The following SEC14L1 variants were observed in gnomAD, a reference collection of about 807,000 sequenced individuals.
SEC14L1 encodes the protein SEC14-like protein 1.
SEC14L1 carries 48 observed loss-of-function variants against 85.3 expected under a neutral mutation model. The observed-to-expected ratio is 0.56, with a 90% CI of 0.45 to 0.72. The LOEUF is 0.72. Among genes scored for constraint, SEC14L1 ranks in the 30% least tolerant of loss-of-function variants. SEC14L1 has a pLI of 0.00. For missense variants in SEC14L1, 682 were observed against 921.4 expected, an observed-to-expected ratio of 0.74 and a Z score of 3.36; for synonymous variants, 391 against 355.5, an observed-to-expected ratio of 1.10 and a Z score of -1.12.
chr17:77,089,237 G>A lies in SEC14L1; in HGVS notation c.-274G>A, dbSNP rs546422754. ...TATTTTCTTCCTGCCCCTCGTTGAT[G>A]AGAGCATTCGAAGTGACCTCAGCAG... is the stretch of plus-strand genomic sequence containing the variant. On this transcript the variant is annotated 5_prime_UTR_variant, in exon 2 of 20. Coordinates refer to the SEC14L1 transcript ENST00000392476. 566 of 349,894 alleles carry A rather than the reference G, an allele frequency of 1.6e-3. 1 individual carries two copies. The highest frequency in any genetic ancestry group is 7.1e-3 in the Middle Eastern group (18 of 2,532). 21.7% of individuals were successfully genotyped at this position (349,894 alleles called of 1,614,324 possible).
At chr17:77,104,416 C>T (rs1179341386) in intron 3 of SEC14L1, among the ~76,000 whole-genome samples, 33 of 124,262 alleles carry the variant, frequency 2.7e-4, no homozygotes, top group African/African-American at 3.9e-4. Context: ...CCACTGCGCC[C>T]GGCCTTGTGT....
upstream of SEC14L1, among the ~76,000 whole-genome samples, chr17:77,137,165 T>G (rs1300120677): frequency 6.6e-6 from 1 of 152,214 alleles, no homozygotes; most frequent in Non-Finnish European, 1.5e-5. Flanking sequence ...TGCCTTGGCC[T>G]CCCAAAGTGC....
At chr17:77,105,738 G>A (rs1019576428) in intron 3 of SEC14L1, among the ~76,000 whole-genome samples, 4 of 152,144 alleles carry the variant, frequency 2.6e-5, no homozygotes, top group African/African-American at 9.7e-5. Context: ...AGGATCTGGG[G>A]CTTGTATACC....
chr17:77,185,374 G>A (rs942024452), intron 3 of SEC14L1: 6 of 985,326 alleles, frequency 6.1e-6, no homozygotes, highest in Non-Finnish European at 7.2e-6. Flanking sequence ...ATCTGGTTGG[G>A]CATGCCAAGG....
At chr17:77,178,584 A>G (rs997844615) in intron 3 of SEC14L1, among the ~76,000 whole-genome samples, 1 of 152,152 alleles carries the variant, frequency 6.6e-6, no homozygotes, top group Non-Finnish European at 1.5e-5. Context: ...CAGTTGTTCC[A>G]CGGATTGTGG....
Position 77,203,561 on chromosome 17 carries a change from C to T in SEC14L1, c.1010-9C>T, listed in dbSNP as rs748896993. The stretch of plus-strand genomic sequence containing the variant: ...GTGCTGACAACTCATTCCTTCCCCT[C>T]CTCTGCAGATGGGCGGCCCCTCTAC... On this transcript the variant is annotated splice_polypyrimidine_tract_variant and intron_variant, in intron 9 of 16. Coordinates refer to ENST00000436233, the MANE Select transcript of SEC14L1 (RefSeq NM_001143998.2). The T allele has an allele frequency of 2.4e-5, 39 of 1,612,660 alleles. No individual in the cohort carries two copies. The highest frequency in any genetic ancestry group is 3.1e-5 in the Non-Finnish European group (36 of 1,179,128).
At chr17:77,197,151 G>C (rs1213962353) in intron 8 of SEC14L1, among the ~76,000 whole-genome samples, 1 of 152,230 alleles carries the variant, frequency 6.6e-6, no homozygotes, top group East Asian at 1.9e-4. Context: ...TCTGAGTGAA[G>C]ATGATGCCAC....
At chr17:77,109,653 T>A (rs1220059963) in intron 3 of SEC14L1, among the ~76,000 whole-genome samples, 2 of 152,228 alleles carry the variant, frequency 1.3e-5, no homozygotes, top group African/African-American at 4.8e-5. Context: ...TTTAACACTC[T>A]GAAAGAGAAC....
chr17:77,203,308 C>T (rs1165167911), intron 9 of SEC14L1, among the ~76,000 whole-genome samples: 1 of 152,162 alleles, frequency 6.6e-6, no homozygotes, highest in Non-Finnish European at 1.5e-5. Context: ...TTCCCCTCAT[C>T]CCGGCACAGC....
chr17:77,114,836 CAAAAA>C (rs35413326), intron 3 of SEC14L1, among the ~76,000 whole-genome samples: 3 of 66,834 alleles, frequency 4.5e-5, no homozygotes, highest in African/African-American at 6.4e-5. Flanking sequence ...ACTTCATCTC[CAAAAA>C]AAAAAAAAAA....
chr17:77,155,992 C>A (rs930804013), intron 3 of SEC14L1, among the ~76,000 whole-genome samples: 6 of 152,316 alleles, frequency 3.9e-5, no homozygotes, highest in African/African-American at 1.2e-4. Context: ...GGCCTCCACA[C>A]CCACTGCACA....
intron 3 of SEC14L1, among the ~76,000 whole-genome samples, chr17:77,105,923 G>T (rs2095193980): frequency 6.6e-6 from 1 of 152,014 alleles, no homozygotes; most frequent in African/African-American, 2.4e-5. Context: ...CCCAGGGAGG[G>T]GATTTGTGAC....
intron 3 of SEC14L1, among the ~76,000 whole-genome samples, chr17:77,103,409 A>G (rs1178689993): frequency 6.6e-6 from 1 of 150,562 alleles, no homozygotes; most frequent in South Asian, 2.1e-4. Flanking sequence ...TACCATGCCC[A>G]GCCAGATTTT....
intron 3 of SEC14L1, among the ~76,000 whole-genome samples, chr17:77,097,340 C>T (rs927138320): frequency 2.5e-4 from 38 of 151,786 alleles, no homozygotes; most frequent in Admixed American, 2.1e-3. Context: ...CCGAGGCGGG[C>T]GGATCACAAG....
chr17:77,164,681 T>G (rs1363150547), intron 3 of SEC14L1, among the ~76,000 whole-genome samples: 3 of 151,994 alleles, frequency 2.0e-5, no homozygotes, highest in Non-Finnish European at 4.4e-5. Context: ...GACACTTGGA[T>G]AGCTGAGTTG....
At chr17:77,201,875 G>C (rs1166279165) in intron 9 of SEC14L1, among the ~76,000 whole-genome samples, 1 of 152,222 alleles carries the variant, frequency 6.6e-6, no homozygotes, top group Non-Finnish European at 1.5e-5. Flanking sequence ...TCTCCTGGGA[G>C]ATGAAGTTCA....
At chr17:77,181,967 G>T (rs1975058803) in intron 3 of SEC14L1, among the ~76,000 whole-genome samples, 1 of 151,590 alleles carries the variant, frequency 6.6e-6, no homozygotes. Flanking sequence ...TTGAATACTT[G>T]TTTCTTTGAG....
intron 3 of SEC14L1, among the ~76,000 whole-genome samples, chr17:77,125,211 G>A (rs182625050): frequency 7.9e-5 from 12 of 152,026 alleles, no homozygotes; most frequent in East Asian, 7.7e-4. Context: ...TGGCCAGGCC[G>A]GTCTCGAACT....
At position 77,214,134 on chromosome 17, in the gene SEC14L1, A is replaced by G; in HGVS notation, c.*111A>G. On this transcript the variant is annotated 3_prime_UTR_variant, in exon 17 of 17. Coordinates refer to ENST00000436233, the MANE Select transcript of SEC14L1 (RefSeq NM_001143998.2). Reference sequence around the variant, plus strand: ...TTGTACAGACTCCTCTCACCTCTAGATAGCAAATAGCTCTCAGATGGTAAA... The same window carrying G: ...TTGTACAGACTCCTCTCACCTCTAGGTAGCAAATAGCTCTCAGATGGTAAA... 2 of 1,477,908 alleles carry G rather than the reference A, an allele frequency of 1.4e-6. No homozygotes were observed. Among genetic ancestry groups the G allele is most frequent in the Admixed American group, 5.2e-5 (2 of 38,688 alleles). 91.5% of individuals were successfully genotyped at this position (1,477,908 alleles called of 1,614,324 possible).
Sources: gnomAD v4.1 joint callset for allele counts (sites outside exome capture counted in the v4.1 genomes callset) on GRCh38, gnomAD v4.1.1 for gene constraint, MANE v1.5 for transcripts, NCBI Gene and HGNC (gene_info 2026-07-23, HGNC 2026-07-21) for gene names.